Variants in DHRSX observed in about 807,000 individuals in gnomAD.
DHRSX encodes dehydrogenase/reductase X-linked, also known as polyprenol dehydrogenase.
DHRSX carries 31 observed loss-of-function variants against 34.0 expected under a neutral mutation model. The ratio of observed to expected loss-of-function variants is 0.91; its 90% CI spans 0.69 to 1.23. The LOEUF is 1.23. Among genes scored for constraint, DHRSX ranks in the 50% most tolerant of loss-of-function variants. The pLI, the probability that DHRSX is intolerant of heterozygous loss-of-function variation, is 0.00. For missense variants in DHRSX, 414 were observed against 428.1 expected (o/e 0.97, Z 0.29); for synonymous variants, 201 against 183.8 (o/e 1.09, Z -0.76).
intron 3 of DHRSX, among the ~76,000 whole-genome samples, chrX:2,339,249 C>T (rs1391625599): frequency 6.6e-6 from 1 of 151,956 alleles, no homozygotes; most frequent in Non-Finnish European, 1.5e-5. Flanking sequence ...AATTCTCCTA[C>T]CTCAGCCTCC....
In DHRSX at chrX:2,482,050, A is replaced by G. The variant is rs184651704; in HGVS notation, c.109+18767T>C. 1.0e-3 allele frequency among the ~76,000 whole-genome samples: 157 copies of G among 150,442 alleles called. 2 individuals are homozygous for G. The highest frequency in any genetic ancestry group is 3.6e-3 in the African/African-American group (146 of 40,736). On this transcript the variant is annotated intron_variant, in intron 1 of 6. Coordinates refer to ENST00000334651, the MANE Select transcript of DHRSX (RefSeq NM_145177.3). ...CATGATCGTAGTTTATGGCAGCCTC[A>G]GCCTCCTTGGGCTCAAGCGATCCTT...
chrX:2,353,368 G>A (rs1468691134), intron 3 of DHRSX, among the ~76,000 whole-genome samples: 3 of 151,774 alleles, frequency 2.0e-5, no homozygotes, highest in East Asian at 3.9e-4. Context: ...CATTTACCCC[G>A]AAATGAAGTT....
chrX:2,264,098 G>A (rs762932947), intron 5 of DHRSX, among the ~76,000 whole-genome samples: 65 of 152,288 alleles, frequency 4.3e-4, no homozygotes, highest in African/African-American at 1.5e-3. Context: ...CAATACCATC[G>A]CACATTGCTA....
At chrX:2,370,542 A>G (rs1264650199) in intron 3 of DHRSX, among the ~76,000 whole-genome samples, 1 of 149,510 alleles carries the variant, frequency 6.7e-6, no homozygotes, top group Non-Finnish European at 1.5e-5. Flanking sequence ...GAATCTGTGA[A>G]GGTTAAGAAT....
intron 3 of DHRSX, among the ~76,000 whole-genome samples, chrX:2,325,020 C>T (rs1158649188): frequency 3.3e-5 from 5 of 151,580 alleles, no homozygotes; most frequent in Admixed American, 1.3e-4. Context: ...ATGATCCACC[C>T]GCCTCAGCCT....
intron 1 of DHRSX, among the ~76,000 whole-genome samples, chrX:2,464,776 C>T (rs1338431365): frequency 2.0e-5 from 3 of 148,008 alleles, no homozygotes; most frequent in South Asian, 2.2e-4. Flanking sequence ...CCTAAGCTTA[C>T]GGCTAAGGGA....
At chrX:2,352,728 G>T (rs983104830) in intron 3 of DHRSX, among the ~76,000 whole-genome samples, 1 of 152,146 alleles carries the variant, frequency 6.6e-6, no homozygotes, top group Non-Finnish European at 1.5e-5. Flanking sequence ...GAATGCTACG[G>T]TGATAGCTAC....
intron 3 of DHRSX, among the ~76,000 whole-genome samples, chrX:2,346,653 T>TTTTG (rs1556483986): frequency 1.0e-3 from 153 of 150,838 alleles, no homozygotes; most frequent in Non-Finnish European, 1.4e-3. Context: ...TGGTTTTTTT[T>TTTTG]TTGTTGTTGT....
chrX:2,417,865 A>G (rs1641379005), intron 2 of DHRSX, among the ~76,000 whole-genome samples: 1 of 152,058 alleles, frequency 6.6e-6, no homozygotes, highest in Non-Finnish European at 1.5e-5. Context: ...ACATAGCCAA[A>G]CTAAACATTA....
At chrX:2,231,329 A>C (rs151109073) in intron 6 of DHRSX, among the ~76,000 whole-genome samples, 1 of 151,810 alleles carries the variant, frequency 6.6e-6, no homozygotes, top group Non-Finnish European at 1.5e-5. Context: ...TGTGTACCTC[A>C]AACTGATCTG....
intron 3 of DHRSX, among the ~76,000 whole-genome samples, chrX:2,318,374 C>A (rs1356032859): frequency 6.6e-6 from 1 of 151,814 alleles, no homozygotes; most frequent in African/African-American, 2.4e-5. Flanking sequence ...GATACCCTTC[C>A]AGCCAGATGA....
chrX:2,485,920 G>A (rs1404434286), intron 1 of DHRSX, among the ~76,000 whole-genome samples: 3 of 146,554 alleles, frequency 2.0e-5, no homozygotes, highest in African/African-American at 7.9e-5. Context: ...AGGAAGGAAG[G>A]AAAGAAGGAA....
intron 4 of DHRSX, among the ~76,000 whole-genome samples, chrX:2,268,987 G>A (rs1415799683): frequency 2.0e-5 from 3 of 152,186 alleles, no homozygotes; most frequent in Admixed American, 2.0e-4. Context: ...ATATGGACAC[G>A]TTTGTGTTCA....
chrX:2,235,264 G>A (rs1338521496), intron 6 of DHRSX, among the ~76,000 whole-genome samples: 1 of 152,000 alleles, frequency 6.6e-6, no homozygotes, highest in Non-Finnish European at 1.5e-5. Flanking sequence ...GTGGATTGAC[G>A]ATGAGGACCC....
intron 3 of DHRSX, among the ~76,000 whole-genome samples, chrX:2,303,548 A>G (rs1354370689): frequency 6.6e-6 from 1 of 152,150 alleles, no homozygotes; most frequent in Non-Finnish European, 1.5e-5. Flanking sequence ...CAGAAGCAGA[A>G]GCTGCTCTGC....
chrX:2,462,186 A>C (rs1230838106), intron 1 of DHRSX, among the ~76,000 whole-genome samples: 2 of 56,168 alleles, frequency 3.6e-5, no homozygotes, highest in Non-Finnish European at 7.8e-5. Context: ...TAGTGCCTCA[A>C]AAAAAAAAAA....
intron 5 of DHRSX, among the ~76,000 whole-genome samples, chrX:2,262,569 G>A (rs1309986907): frequency 6.6e-6 from 1 of 152,120 alleles, no homozygotes; most frequent in Non-Finnish European, 1.5e-5. Context: ...GTGCACATTG[G>A]CACACACATC....
At chrX:2,499,377 A>G in intron 1 of DHRSX, among the ~76,000 whole-genome samples, 1 of 152,214 alleles carries the variant, frequency 6.6e-6, no homozygotes, top group Non-Finnish European at 1.5e-5. Flanking sequence ...GTTTTGGAAA[A>G]CTGTTATTTT....
intron 1 of DHRSX, among the ~76,000 whole-genome samples, chrX:2,472,661 T>C (rs377360602): frequency 2.0e-5 from 3 of 151,964 alleles, no homozygotes; most frequent in African/African-American, 7.2e-5. Flanking sequence ...CTCAGCTACC[T>C]TACAGGCTGA....
Sources: gnomAD v4.1 joint callset for allele counts (sites outside exome capture counted in the v4.1 genomes callset) on GRCh38, gnomAD v4.1.1 for gene constraint, MANE v1.5 for transcripts, NCBI Gene and HGNC (gene_info 2026-07-23, HGNC 2026-07-21) for gene names.